Variants in CFAP263 observed in about 807,000 individuals in gnomAD.
CFAP263 encodes the protein cilia- and flagella-associated protein 263.
At chr16:58,250,101 G>T in the CFAP263 span, 1 of 1,583,508 alleles carries the variant, frequency 6.3e-7, no homozygotes, top group East Asian at 2.3e-5. Context: ...TGTGCGGGCT[G>T]GTGGAGGAGC....
the CFAP263 span, among the ~76,000 whole-genome samples, chr16:58,266,283 T>G: frequency 0.59 from 87,252 of 149,098 alleles, 26,533 homozygotes; most frequent in African/African-American, 0.75. Flanking sequence ...TCCTATTAGA[T>G]CCTCCTCTCT....
chr16:58,250,335 G>GC, the CFAP263 span: 1 of 483,516 alleles, frequency 2.1e-6, no homozygotes, highest in East Asian at 3.7e-5. Flanking sequence ...GTGGTGAGAA[G>GC]CCCAGAGGGT....
chr16:58,280,403 C>G, the CFAP263 span: 5 of 1,614,204 alleles, frequency 3.1e-6, no homozygotes, highest in Non-Finnish European at 4.2e-6. Context: ...ACATCCTTCT[C>G]CCTAACATCT....
At chr16:58,260,031 T>G in the CFAP263 span, 1 of 712,810 alleles carries the variant, frequency 1.4e-6, no homozygotes, top group Non-Finnish European at 2.4e-6. Flanking sequence ...ATCCATATCC[T>G]AAACCCTGGA....
the CFAP263 span, among the ~76,000 whole-genome samples, chr16:58,267,884 G>A: frequency 6.6e-6 from 1 of 152,016 alleles, no homozygotes; most frequent in Non-Finnish European, 1.5e-5. Context: ...TACAATATTC[G>A]ATGTTTCGTG....
chr16:58,254,904 C>G, the CFAP263 span, among the ~76,000 whole-genome samples: 1 of 152,120 alleles, frequency 6.6e-6, no homozygotes, highest in African/African-American at 2.4e-5. Context: ...TGCGCCGGGC[C>G]TACAATAATT....
At chr16:58,259,206 A>G in the CFAP263 span, among the ~76,000 whole-genome samples, 1 of 152,080 alleles carries the variant, frequency 6.6e-6, no homozygotes, top group South Asian at 2.1e-4. Context: ...AGGACAGGTA[A>G]ATCTCTTTTT....
At chr16:58,283,346 G>A in the CFAP263 span, 1 of 152,178 alleles carries the variant, frequency 6.6e-6, no homozygotes. Context: ...AAAAATGAAG[G>A]CATGTTTAGA....
At chr16:58,279,888 C>G in the CFAP263 span, 1 of 877,538 alleles carries the variant, frequency 1.1e-6, no homozygotes, top group South Asian at 1.7e-5. Context: ...GTTCCCAACC[C>G]CCCACCCAGG....
chr16:58,279,887 C>T, the CFAP263 span: 2 of 881,634 alleles, frequency 2.3e-6, no homozygotes, highest in Non-Finnish European at 3.5e-6. Context: ...TGTTCCCAAC[C>T]CCCCACCCAG....
chr16:58,264,685 A>G, the CFAP263 span, among the ~76,000 whole-genome samples: 2 of 152,038 alleles, frequency 1.3e-5, no homozygotes, highest in African/African-American at 4.8e-5. Flanking sequence ...CTTAGCCAAT[A>G]TTGTCGAATG....
the CFAP263 span, among the ~76,000 whole-genome samples, chr16:58,277,806 G>C: frequency 1.3e-5 from 2 of 152,182 alleles, no homozygotes; most frequent in African/African-American, 4.8e-5. Flanking sequence ...ATTATGCTAA[G>C]TGAAATAAGC....
chr16:58,278,794 G>A, the CFAP263 span, among the ~76,000 whole-genome samples: 48 of 144,858 alleles, frequency 3.3e-4, no homozygotes, highest in African/African-American at 1.2e-3. Flanking sequence ...GACGAAGGAT[G>A]ATTTGTTTTT....
chr16:58,257,021 T>TC, the CFAP263 span, among the ~76,000 whole-genome samples: 2 of 28,928 alleles, frequency 6.9e-5, 1 homozygote, highest in Non-Finnish European at 1.2e-4. Context: ...TTTCTTTTTT[T>TC]TTTTTTTTTT....
the CFAP263 span, among the ~76,000 whole-genome samples, chr16:58,257,519 G>A: frequency 1.3e-5 from 2 of 151,798 alleles, no homozygotes; most frequent in East Asian, 1.9e-4. Flanking sequence ...CTACAGCCTC[G>A]AACTTCTGGC....
At chr16:58,250,706 A>C in the CFAP263 span, among the ~76,000 whole-genome samples, 1 of 150,076 alleles carries the variant, frequency 6.7e-6, no homozygotes, top group African/African-American at 2.5e-5. Flanking sequence ...CGGAGGTTGC[A>C]GTGAGCCGAG....
chr16:58,266,509 A>C, the CFAP263 span, among the ~76,000 whole-genome samples: 1 of 142,270 alleles, frequency 7.0e-6, no homozygotes, highest in Non-Finnish European at 1.5e-5. Context: ...TTTCTTCTTG[A>C]AATTATTTTA....
chr16:58,268,344 G>A, the CFAP263 span, among the ~76,000 whole-genome samples: 3 of 152,168 alleles, frequency 2.0e-5, no homozygotes, highest in Admixed American at 2.0e-4. Context: ...TTTGGGGAGG[G>A]CACAGGAGAA....
the CFAP263 span, among the ~76,000 whole-genome samples, chr16:58,278,285 G>A: frequency 2.0e-5 from 3 of 152,186 alleles, no homozygotes; most frequent in Non-Finnish European, 4.4e-5. Flanking sequence ...TGCACTAGGT[G>A]TTTCTGAACT....
Sources: gnomAD v4.1 joint callset for allele counts (sites outside exome capture counted in the v4.1 genomes callset) on GRCh38, gnomAD v4.1.1 for gene constraint, MANE v1.5 for transcripts, NCBI Gene and HGNC (gene_info 2026-07-23, HGNC 2026-07-21) for gene names.